Variants in ARHGAP31 observed in about 807,000 individuals in gnomAD.
The protein encoded by ARHGAP31 is rho GTPase-activating protein 31.
In ARHGAP31, 34 loss-of-function variants were observed where a neutral mutation model predicts 113.9. The ratio of observed to expected loss-of-function variants is 0.30; its 90% CI spans 0.23 to 0.40. The LOEUF is 0.40. ARHGAP31 is among the 10% of genes least tolerant of loss of function. ARHGAP31 has a pLI of 1.00. For missense variants in ARHGAP31, 1,548 were observed against 1,767.1 expected, an observed-to-expected ratio of 0.88 and a Z score of 2.22; for synonymous variants, 650 against 684.8, an observed-to-expected ratio of 0.95 and a Z score of 0.79.
At position 119,403,277 on chromosome 3, in the gene ARHGAP31, T is replaced by C. The variant is rs1157443571; in HGVS notation, c.1645+880T>C. On this transcript the variant is annotated intron_variant, in intron 10 of 11. Coordinates refer to ENST00000264245, the MANE Select transcript of ARHGAP31 (RefSeq NM_020754.4). ...AATATTATCTCATTTCTCCCCTCTA[T>C]CCTATGATATAGATAGTCACTATTA... 2.0e-5 allele frequency among the ~76,000 whole-genome samples: 3 copies of C among 152,212 alleles called. No homozygotes were observed. The East Asian group carries it at 5.8e-4, about 29-fold the overall frequency.
At chr3:119,396,542 T>C (rs1248581413) in intron 8 of ARHGAP31, among the ~76,000 whole-genome samples, 2 of 152,230 alleles carry the variant, frequency 1.3e-5, no homozygotes, top group Non-Finnish European at 2.9e-5. Flanking sequence ...ATAGGCTTTA[T>C]GGTCATAACT....
At chr3:119,308,384 G>T (rs1438464302) in intron 1 of ARHGAP31, among the ~76,000 whole-genome samples, 1 of 152,228 alleles carries the variant, frequency 6.6e-6, no homozygotes, top group East Asian at 1.9e-4. Context: ...CAAGGTGCAA[G>T]ATGTATTTCT....
In ARHGAP31 at chr3:119,414,757, T is replaced by C; in HGVS notation, c.2828T>C (p.Leu943Pro). 2 of 1,614,140 alleles carry C rather than the reference T, an allele frequency of 1.2e-6. No individual in the cohort carries two copies. The highest frequency in any genetic ancestry group is 1.7e-6 in the Non-Finnish European group (2 of 1,180,010). The change falls in exon 12 of 12, where the codon CTT becomes CCT. Residue 943 changes from leucine (L) to proline (P), a missense_variant. Coordinates refer to ENST00000264245, the MANE Select transcript of ARHGAP31 (RefSeq NM_020754.4). ...CAGGGTCACCAGTTGGAGAAGAGGC[T>C]TTCCCACAGGCCCAGCCTTCGCCAG... ...GLQGHQLEKRLSHRPSLRQSH... is the reference protein window; with the variant it reads ...GLQGHQLEKRPSHRPSLRQSH...
At chr3:119,350,814 A>G (rs761505476) in intron 1 of ARHGAP31, among the ~76,000 whole-genome samples, 15 of 152,204 alleles carry the variant, frequency 9.9e-5, no homozygotes, top group Non-Finnish European at 1.9e-4. Context: ...TACAAATGAG[A>G]AACAAAAACA....
chr3:119,410,791 G>A lies in ARHGAP31; in HGVS notation c.1926+1015G>A, dbSNP rs948257715. 7.9e-5 allele frequency among the ~76,000 whole-genome samples: 12 copies of A among 152,336 alleles called. 1 individual carries two copies. Among genetic ancestry groups the A allele is most frequent in the Admixed American group, 7.2e-4 (11 of 15,308 alleles). ...CTTTGTGCCAGGCACTGGCATCACT[G>A]TAGTGAACAAGGCTTTAACCATCCC... is the stretch of plus-strand genomic sequence containing the variant. On this transcript the variant is annotated intron_variant, in intron 11 of 11. Coordinates refer to ENST00000264245, the MANE Select transcript of ARHGAP31 (RefSeq NM_020754.4).
At chr3:119,361,749 C>T (rs1241737584) in intron 1 of ARHGAP31, among the ~76,000 whole-genome samples, 1 of 152,158 alleles carries the variant, frequency 6.6e-6, no homozygotes, top group East Asian at 1.9e-4. Flanking sequence ...GATCCAGGGA[C>T]CACAGTCTGA....
At chr3:119,390,753 T>A in intron 6 of ARHGAP31, 32 bp from the exon 7 acceptor site, 1 of 1,606,158 alleles carries the variant, frequency 6.2e-7, no homozygotes, top group Admixed American at 1.7e-5. Context: ...GCAGGCCTCC[T>A]CCAACACTGA....
chr3:119,362,136 AC>A (rs1487552532), intron 1 of ARHGAP31, among the ~76,000 whole-genome samples: 22 of 152,324 alleles, frequency 1.4e-4, no homozygotes, highest in Non-Finnish European at 2.4e-4. Flanking sequence ...CAGGTTGGTT[AC>A]CCTGTACTGC....
chr3:119,337,383 A>T (rs1359136663), intron 1 of ARHGAP31, among the ~76,000 whole-genome samples: 1 of 152,204 alleles, frequency 6.6e-6, no homozygotes, highest in Non-Finnish European at 1.5e-5. Flanking sequence ...TGACTTCAGG[A>T]GTGAAGCTGC....
intron 6 of ARHGAP31, 53 bp from the exon 7 acceptor site, chr3:119,390,732 G>T: frequency 6.4e-7 from 1 of 1,560,344 alleles, no homozygotes; most frequent in Admixed American, 1.7e-5. Context: ...GAATCTGGAT[G>T]GATGTGATGG....
chr3:119,308,827 A>C (rs979982111), intron 1 of ARHGAP31, among the ~76,000 whole-genome samples: 1 of 152,072 alleles, frequency 6.6e-6, no homozygotes, highest in African/African-American at 2.4e-5. Flanking sequence ...AAATGTGGTC[A>C]TTATATGATT....
chr3:119,394,555 A>G (rs2080531570), intron 8 of ARHGAP31, among the ~76,000 whole-genome samples: 1 of 152,224 alleles, frequency 6.6e-6, no homozygotes, highest in African/African-American at 2.4e-5. Context: ...GATTGAAAGT[A>G]TGATAAAAAT....
intron 10 of ARHGAP31, among the ~76,000 whole-genome samples, 175 bp downstream of exon 10, chr3:119,402,572 AC>A (rs781509802): frequency 5.3e-5 from 8 of 152,244 alleles, no homozygotes; most frequent in African/African-American, 9.6e-5. Context: ...GGTTAATGTA[AC>A]CACTCTGTGC....
chr3:119,312,567 T>G (rs73854474), intron 1 of ARHGAP31, among the ~76,000 whole-genome samples: 2,376 of 152,322 alleles, frequency 0.016, 60 homozygotes, highest in African/African-American at 0.052. Flanking sequence ...ACAAGCCGTC[T>G]TCTTCTCTTG....
chr3:119,303,441 G>C (rs565341709), intron 1 of ARHGAP31, among the ~76,000 whole-genome samples: 2 of 152,298 alleles, frequency 1.3e-5, no homozygotes, highest in Admixed American at 1.3e-4. Context: ...TTCTTGGCAA[G>C]GCCCCAGAAC....
At chr3:119,313,071 C>A (rs563415962) in intron 1 of ARHGAP31, among the ~76,000 whole-genome samples, 1 of 152,272 alleles carries the variant, frequency 6.6e-6, no homozygotes, top group East Asian at 1.9e-4. Context: ...TGATTTCTTT[C>A]TTTTTAATCA....
intron 1 of ARHGAP31, among the ~76,000 whole-genome samples, chr3:119,354,726 C>A (rs1302201990): frequency 1.4e-5 from 2 of 147,208 alleles, no homozygotes; most frequent in Non-Finnish European, 3.0e-5. Context: ...TGGAGTTTCA[C>A]CATGTTGGTC....
intron 2 of ARHGAP31, among the ~76,000 whole-genome samples, chr3:119,367,538 C>T (rs2080260352): frequency 6.6e-6 from 1 of 152,024 alleles, no homozygotes; most frequent in Non-Finnish European, 1.5e-5. Context: ...ATCAGGCAGC[C>T]TAGAAGGTTC....
In ARHGAP31 at chr3:119,311,793, G is replaced by A. The variant is rs117071038; in HGVS notation, c.100+16789G>A. On this transcript the variant is annotated intron_variant, in intron 1 of 11. Transcript: ENST00000264245. ...GGGAGACAGGGTCACAATCCCATAT[G>A]ATGGACGTATCTTCAACTGATTCTC... 2.1e-4 allele frequency among the ~76,000 whole-genome samples: 32 copies of A among 152,334 alleles called. No individual in the cohort carries two copies. The East Asian group carries it at 3.7e-3, about 17-fold the overall frequency.
Sources: gnomAD v4.1 joint callset for allele counts (sites outside exome capture counted in the v4.1 genomes callset) on GRCh38, gnomAD v4.1.1 for gene constraint, MANE v1.5 for transcripts, NCBI Gene and HGNC (gene_info 2026-07-23, HGNC 2026-07-21) for gene names.